Variants in DUXB observed in about 807,000 individuals in gnomAD.
DUXB encodes the protein double homeobox protein B.
DUXB carries 22 observed loss-of-function variants against 8.9 expected under a neutral mutation model. The observed-to-expected ratio is 2.46, with a 90% CI of 1.76 to 3.52. The LOEUF is 3.52. DUXB is among the 30% of genes most tolerant of loss of function. The probability of loss-of-function intolerance (pLI) is 0.00; values close to 1 mark genes in which losing one functional copy is unlikely to be tolerated. For missense variants in DUXB, 237 were observed against 108.7 expected (o/e 2.18, Z -5.25); for synonymous variants, 84 against 37.6 (o/e 2.23, Z -4.52).
intron 4 of DUXB, 112 bp from the exon 5 acceptor site, chr16:75,694,637 A>AT (rs2082591137): frequency 1.6e-6 from 1 of 641,518 alleles, no homozygotes; most frequent in Non-Finnish European, 2.8e-6. Flanking sequence ...TCACAGGGTG[A>AT]TTTTATAGAG....
intron 1 of DUXB, among the ~76,000 whole-genome samples, chr16:75,700,881 A>C (rs1012827486): frequency 1.4e-4 from 22 of 152,130 alleles, no homozygotes; most frequent in Non-Finnish European, 2.6e-4. Flanking sequence ...TAAACATTTA[A>C]ATATATATAT....
At position 75,693,982 on chromosome 16, in the gene DUXB, C is replaced by T. The variant is rs758048003; in HGVS notation, c.985G>A (p.Glu329Lys). 15 of 401,278 alleles carry T rather than the reference C, an allele frequency of 3.7e-5. No homozygotes were observed. The highest frequency in any genetic ancestry group is 8.2e-5 in the African/African-American group (4 of 48,586). The allele number at this position is 401,278 out of a possible 1,614,324, so 24.9% of individuals were successfully genotyped here. Residue 329 changes from glutamate to lysine, a missense_variant, in exon 5 of 5, where the codon GAG (glutamate) becomes AAG (lysine). Transcript: ENST00000633875. ...TCAGCAAGCAGAGCCTGGCAGATCTCGTCCCACCTTTGCAAAATGTTCGAT... is the reference window on the plus strand; with the variant it reads ...TCAGCAAGCAGAGCCTGGCAGATCTTGTCCCACCTTTGCAAAATGTTCGAT... ...DISNILQRWD[E>K]ICQALLAEWD... is the part of the protein sequence containing the mutation.
intron 2 of DUXB, 42 bp downstream of exon 2, chr16:75,699,973 C>T (rs1959201452): frequency 1.5e-6 from 1 of 654,768 alleles, no homozygotes; most frequent in South Asian, 1.7e-5. Flanking sequence ...TTTCTCTTTA[C>T]CATGGTTCTG....
chr16:75,700,768 A>G (rs1458918444), intron 1 of DUXB, among the ~76,000 whole-genome samples: 1 of 152,030 alleles, frequency 6.6e-6, no homozygotes, highest in Non-Finnish European at 1.5e-5. Context: ...CGGCCTCCCA[A>G]AGTGCTGGGA....
At position 75,694,506 on chromosome 16, in the gene DUXB, C is replaced by T. The variant is rs906869478; in HGVS notation, c.461G>A (p.Arg154Lys). The T allele has an allele frequency of 1.4e-6, 1 of 702,834 alleles. No homozygotes were observed. The highest frequency in any genetic ancestry group is 1.7e-5 in the African/African-American group (1 of 57,226). The allele number at this position is 702,834 out of a possible 1,614,324, so 43.5% of individuals were successfully genotyped here. Reference protein sequence around the residue: ...SRIQMWFQKQRSLYLKKSRME... With the variant: ...SRIQMWFQKQKSLYLKKSRME... ...TCTGCTCTTCTTGAGGTACAGAGAT[C>T]TTTGTTTCTGAAACCACATCTAAAT... The change falls in exon 5 of 5, where the codon AGA (arginine) becomes AAA (lysine). Residue 154 changes from arginine to lysine, a missense_variant. Physicochemically the swap from Arg to Lys is conservative, Grantham distance 26. Transcript: ENST00000633875.
In DUXB at chr16:75,694,474, G is replaced by C. The variant is rs565316884; in HGVS notation, c.493C>G (p.Pro165Ala). Reference protein sequence around the residue: ...SLYLKKSRMEPMNLLVDDPNE... With the variant: ...SLYLKKSRMEAMNLLVDDPNE... ...GGGTCGTCTACCAATAAATTCATGG[G>C]CTCCATTCTGCTCTTCTTGAGGTAC... is the stretch of plus-strand genomic sequence containing the variant. The change falls in exon 5 of 5, where the codon CCC becomes GCC. Residue 165 changes from proline (P) to alanine (A), a missense_variant. By Grantham distance (27) the Pro-to-Ala change is conservative. Coordinates refer to ENST00000633875, the MANE Select transcript of DUXB (RefSeq NM_001351307.2). 2 of 702,978 alleles carry C rather than the reference G, an allele frequency of 2.8e-6. No homozygotes were observed. 43.5% of individuals were successfully genotyped at this position (702,978 alleles called of 1,614,324 possible). A position where few individuals can be genotyped will look rare whatever the true frequency, so the allele number is the denominator to read the frequency against.
intron 4 of DUXB, among the ~76,000 whole-genome samples, chr16:75,695,397 TGA>T (rs1195573186): frequency 6.6e-6 from 1 of 152,260 alleles, no homozygotes; most frequent in Non-Finnish European, 1.5e-5. Flanking sequence ...TAAATGTATT[TGA>T]GAGTTTGTGT....
rs1959202433 is a variant in DUXB, at chr16:75,700,185, G to T, written c.26-16C>A. Reference sequence around the variant, plus strand: ...TGAAGTATGCCTGATGAACAGAAAAGGGGGAGAATAGTGTGAATAATATAT... The same window carrying T: ...TGAAGTATGCCTGATGAACAGAAAATGGGGAGAATAGTGTGAATAATATAT... On this transcript the variant is annotated splice_polypyrimidine_tract_variant and intron_variant, in intron 1 of 4. Coordinates refer to ENST00000633875, the MANE Select transcript of DUXB (RefSeq NM_001351307.2). 4 of 695,158 alleles carry T rather than the reference G, an allele frequency of 5.8e-6. No individual in the cohort carries two copies. In the East Asian group the frequency reaches 8.1e-5, roughly 14 times the overall value. 43.1% of individuals were successfully genotyped at this position (695,158 alleles called of 1,614,324 possible). A position where few individuals can be genotyped will look rare whatever the true frequency, so the allele number is the denominator to read the frequency against.
intron 2 of DUXB, among the ~76,000 whole-genome samples, chr16:75,697,184 G>A (rs1193092068): frequency 6.6e-6 from 1 of 152,128 alleles, no homozygotes; most frequent in Non-Finnish European, 1.5e-5. Context: ...GGCATCCAGA[G>A]TAAATTTGTT....
chr16:75,695,110 GTA>G (rs1482715908), intron 4 of DUXB, among the ~76,000 whole-genome samples: 1 of 152,094 alleles, frequency 6.6e-6, no homozygotes, highest in African/African-American at 2.4e-5. Flanking sequence ...GTTCATGTGT[GTA>G]TATATGTGTG....
At chr16:75,700,202 A>G (rs1419065929) in intron 1 of DUXB, 33 bp from the exon 2 acceptor site, 1 of 682,060 alleles carries the variant, frequency 1.5e-6, no homozygotes, top group Non-Finnish European at 2.6e-6. Context: ...AATAGTGTGA[A>G]TAATATATTT....
chr16:75,698,369 C>G (rs1398805417), intron 2 of DUXB, among the ~76,000 whole-genome samples: 1 of 152,184 alleles, frequency 6.6e-6, no homozygotes, highest in East Asian at 1.9e-4. Flanking sequence ...AGACTGAGAT[C>G]CTTATAGCCA....
Position 75,696,838 on chromosome 16 carries a change from C to T in DUXB, c.286G>A (p.Glu96Lys), listed in dbSNP as rs945049490. 1 of 702,558 alleles carries T rather than the reference C, an allele frequency of 1.4e-6. No homozygotes were observed. The highest frequency in any genetic ancestry group is 1.5e-5 in the South Asian group (1 of 67,500). The allele number at this position is 702,558 out of a possible 1,614,324, so 43.5% of individuals were successfully genotyped here. Reference sequence around the variant, plus strand: ...AATGGGACCCATTGAGCATTCTTACCTTGAGTCAGATGCTGGGACTGGTCA... The same window carrying T: ...AATGGGACCCATTGAGCATTCTTACTTTGAGTCAGATGCTGGGACTGGTCA... ...GHDQSQHLTQ[E>K]YLPKEARQKQ... Residue 96 changes from glutamate to lysine, a missense_variant and splice_region_variant, in exon 3 of 5, where the codon GAA becomes AAA. Glu to Lys is a moderately conservative substitution (Grantham distance 56). Transcript: ENST00000633875.
Position 75,700,189 on chromosome 16 carries a change from G to A in DUXB, c.26-20C>T, listed in dbSNP as rs550530220. Reference sequence around the variant, plus strand: ...GTATGCCTGATGAACAGAAAAGGGGGAGAATAGTGTGAATAATATATTTAT... The same window carrying A: ...GTATGCCTGATGAACAGAAAAGGGGAAGAATAGTGTGAATAATATATTTAT... On this transcript the variant is annotated intron_variant, in intron 1 of 4. Transcript: ENST00000633875. The A allele has an allele frequency of 6.1e-5, 42 of 692,280 alleles. No homozygotes were observed. Among genetic ancestry groups the A allele is most frequent in the Non-Finnish European group, 9.2e-5 (35 of 381,750 alleles). The allele number at this position is 692,280 out of a possible 1,614,324, so 42.9% of individuals were successfully genotyped here. A position where few individuals can be genotyped will look rare whatever the true frequency, so the allele number is the denominator to read the frequency against.
chr16:75,700,064 G>C lies in DUXB; in HGVS notation c.131C>G (p.Ala44Gly). The C allele has an allele frequency of 1.4e-6, 1 of 702,320 alleles. No homozygotes were observed. The highest frequency in any genetic ancestry group is 2.6e-6 in the Non-Finnish European group (1 of 384,800). The allele number at this position is 702,320 out of a possible 1,614,324, so 43.5% of individuals were successfully genotyped here. Residue 44 changes from alanine (A) to glycine (G), a missense_variant, in exon 2 of 5, where the codon GCC becomes GGC. By Grantham distance (60) the Ala-to-Gly change is moderately conservative. Coordinates refer to ENST00000633875, the MANE Select transcript of DUXB (RefSeq NM_001351307.2). Reference protein sequence around the residue: ...FQHDPFPDKAAREQLAKEIGV... With the variant: ...FQHDPFPDKAGREQLAKEIGV... ...AATTTCTTTGGCCAGTTGTTCTCTG[G>C]CAGCTTTATCAGGGAAAGGGTCATG...
intron 4 of DUXB, among the ~76,000 whole-genome samples, chr16:75,695,513 A>T (rs971686956): frequency 5.9e-5 from 9 of 152,178 alleles, no homozygotes; most frequent in African/African-American, 2.2e-4. Flanking sequence ...TTGGGGGCCA[A>T]TTTTGTCCCT....
intron 1 of DUXB, among the ~76,000 whole-genome samples, chr16:75,701,161 A>G (rs1266454036): frequency 6.6e-6 from 1 of 152,230 alleles, no homozygotes; most frequent in African/African-American, 2.4e-5. Context: ...TTAAAACTTT[A>G]GGTAGATGAC....
intron 2 of DUXB, among the ~76,000 whole-genome samples, chr16:75,697,360 A>G (rs571478766): frequency 5.1e-4 from 77 of 152,360 alleles, no homozygotes; most frequent in Non-Finnish European, 9.1e-4. Context: ...AATTAATTGC[A>G]CAAAAATTTC....
Position 75,700,709 on chromosome 16 carries a change from G to A in DUXB, c.26-540C>T, listed in dbSNP as rs991751710. Reference sequence around the variant, plus strand: ...TTTTTAGTAGAGACAGGGTTTCACCGTGTTAGCCAGGATGGTCTCGATCTC... The same window carrying A: ...TTTTTAGTAGAGACAGGGTTTCACCATGTTAGCCAGGATGGTCTCGATCTC... On this transcript the variant is annotated intron_variant, in intron 1 of 4. Coordinates refer to ENST00000633875, the MANE Select transcript of DUXB (RefSeq NM_001351307.2). Among the ~76,000 whole-genome samples, 103 of 151,722 alleles carry A rather than the reference G, an allele frequency of 6.8e-4. 1 individual carries two copies. The highest frequency in any genetic ancestry group is 5.4e-4 in the Non-Finnish European group (37 of 67,896).
Sources: gnomAD v4.1 joint callset for allele counts (sites outside exome capture counted in the v4.1 genomes callset) on GRCh38, gnomAD v4.1.1 for gene constraint, MANE v1.5 for transcripts, NCBI Gene and HGNC (gene_info 2026-07-23, HGNC 2026-07-21) for gene names.